Variants in ZFR observed in about 807,000 individuals in gnomAD.
ZFR encodes zinc finger RNA-binding protein.
ZFR carries 19 observed loss-of-function variants against 130.7 expected under a neutral mutation model. That is an observed-to-expected ratio of 0.15 (90% confidence interval 0.10 to 0.21). The LOEUF is 0.21. Among genes scored for constraint, ZFR ranks in the 10% least tolerant of loss-of-function variants. ZFR has a pLI of 1.00. For missense variants in ZFR, 872 were observed against 1,321.5 expected (o/e 0.66, Z 5.27); for synonymous variants, 466 against 456.9 (o/e 1.02, Z -0.25).
intron 2 of ZFR, among the ~76,000 whole-genome samples, chr5:32,425,096 T>C (rs576865051): frequency 9.2e-5 from 14 of 152,302 alleles, no homozygotes; most frequent in African/African-American, 3.1e-4. Context: ...ACTGTGATTG[T>C]AGGAAATAAA....
At chr5:32,415,971 C>CT (rs150198483) in intron 4 of ZFR, among the ~76,000 whole-genome samples, 28 of 85,904 alleles carry the variant, frequency 3.3e-4, no homozygotes, top group African/African-American at 8.1e-4. Context: ...GAACTTTTAT[C>CT]TTTTTTTTTT....
chr5:32,388,725 G>C, intron 12 of ZFR, 51 bp from the exon 13 acceptor site: 2 of 1,462,470 alleles, frequency 1.4e-6, no homozygotes, highest in Non-Finnish European at 1.9e-6. Context: ...CTGAGCAAAA[G>C]CAAATTATAT....
chr5:32,423,551 A>C (rs1350315725), intron 2 of ZFR, among the ~76,000 whole-genome samples: 1 of 152,126 alleles, frequency 6.6e-6, no homozygotes, highest in Non-Finnish European at 1.5e-5. Flanking sequence ...AAAGTTGAGA[A>C]ATAGACAAGA....
At chr5:32,403,720 C>T (rs558653375) in intron 7 of ZFR, among the ~76,000 whole-genome samples, 186 bp downstream of exon 7, 17 of 152,324 alleles carry the variant, frequency 1.1e-4, no homozygotes, top group Non-Finnish European at 2.2e-4. Flanking sequence ...AAAGACAGGT[C>T]TCCAGTCTTT....
chr5:32,436,120 T>G (rs1031882820), intron 2 of ZFR, among the ~76,000 whole-genome samples: 1 of 151,040 alleles, frequency 6.6e-6, no homozygotes, highest in South Asian at 2.1e-4. Context: ...TACCTTAAAG[T>G]TGGTAACCAC....
intron 2 of ZFR, among the ~76,000 whole-genome samples, chr5:32,443,149 T>A (rs917209591): frequency 2.6e-5 from 4 of 151,676 alleles, no homozygotes; most frequent in Non-Finnish European, 5.9e-5. Context: ...GTAAATCAAA[T>A]GAAAAAAACT....
At chr5:32,372,871 ATGAC>A (rs1259450684) in intron 17 of ZFR, among the ~76,000 whole-genome samples, 2 of 152,034 alleles carry the variant, frequency 1.3e-5, no homozygotes, top group African/African-American at 4.8e-5. Context: ...AAGGAACAAA[ATGAC>A]TGAAGTTAAA....
intron 9 of ZFR, 119 bp from the exon 10 acceptor site, chr5:32,397,457 ATT>A: frequency 3.3e-6 from 4 of 1,210,620 alleles, no homozygotes; most frequent in Admixed American, 2.7e-5. Flanking sequence ...TGTCTATTAC[ATT>A]TTTTTTTTCC....
At chr5:32,424,416 G>A (rs1172654617) in intron 2 of ZFR, among the ~76,000 whole-genome samples, 2 of 151,908 alleles carry the variant, frequency 1.3e-5, no homozygotes, top group Non-Finnish European at 2.9e-5. Context: ...CTGTAGTCCC[G>A]GCTACTCGGG....
intron 12 of ZFR, among the ~76,000 whole-genome samples, chr5:32,389,645 G>A (rs980150346): frequency 1.3e-5 from 2 of 151,822 alleles, no homozygotes; most frequent in Non-Finnish European, 2.9e-5. Flanking sequence ...AAAGAAACAA[G>A]AAAAAAAATT....
chr5:32,393,487 G>C (rs1052296734), intron 11 of ZFR, among the ~76,000 whole-genome samples: 9 of 152,064 alleles, frequency 5.9e-5, no homozygotes, highest in Admixed American at 2.6e-4. Flanking sequence ...GGAATTACAG[G>C]CATGCGCCAC....
chr5:32,386,017 C>T (rs532231466), intron 14 of ZFR, among the ~76,000 whole-genome samples: 1 of 152,138 alleles, frequency 6.6e-6, no homozygotes, highest in East Asian at 1.9e-4. Flanking sequence ...ACAATTTATT[C>T]CCATATTGTA....
chr5:32,399,964 C>A, intron 9 of ZFR, 43 bp downstream of exon 9: 8 of 1,524,090 alleles, frequency 5.2e-6, no homozygotes, highest in Non-Finnish European at 7.1e-6. Context: ...GCACTTCTTC[C>A]CTTTATCCAA....
intron 2 of ZFR, among the ~76,000 whole-genome samples, chr5:32,425,358 T>C (rs1438575019): frequency 1.3e-5 from 2 of 152,196 alleles, no homozygotes; most frequent in Non-Finnish European, 2.9e-5. Flanking sequence ...GCTGCCTTCA[T>C]ATATTTTAAT....
rs369834727 is a variant in ZFR, at chr5:32,444,422, C to A, written c.38-94G>T. 3.3e-4 allele frequency: 466 copies of A among 1,409,134 alleles called. 4 individuals carry two copies. The East Asian group carries it at 8.1e-3, about 25-fold the overall frequency. 87.3% of individuals were successfully genotyped at this position (1,409,134 alleles called of 1,614,324 possible). A position where few individuals can be genotyped will look rare whatever the true frequency, so the allele number is the denominator to read the frequency against. ...GAGGGCAGGGAGAGAAAGAGAGAGG[C>A]GCCGTGAGAGCAGCCCTGGCGGGGC... On this transcript the variant is annotated intron_variant, in intron 1 of 19. Transcript: ENST00000265069.
chr5:32,426,563 G>A (rs558211561), intron 2 of ZFR, among the ~76,000 whole-genome samples: 1 of 152,282 alleles, frequency 6.6e-6, no homozygotes, highest in African/African-American at 2.4e-5. Context: ...ATTCAACACA[G>A]TACTTAAGTT....
At chr5:32,374,453 A>C (rs551633520) in intron 17 of ZFR, among the ~76,000 whole-genome samples, 1 of 152,248 alleles carries the variant, frequency 6.6e-6, no homozygotes, top group African/African-American at 2.4e-5. Context: ...CAGTGAGCCA[A>C]GAAAGCACTG....
chr5:32,410,441 TATACAAAAA>T (rs1254781822), intron 5 of ZFR, among the ~76,000 whole-genome samples: 1 of 151,866 alleles, frequency 6.6e-6, no homozygotes, highest in Non-Finnish European at 1.5e-5. Context: ...AAACCCCATC[TATACAAAAA>T]ATACAAAAAT....
At chr5:32,383,700 T>C (rs1387600759) in intron 15 of ZFR, 1 of 454,566 alleles carries the variant, frequency 2.2e-6, no homozygotes, top group African/African-American at 2.0e-5. Context: ...AAGCAAGCTA[T>C]AGGCTTTAAA....
Sources: allele counts gnomAD v4.1 joint callset (sites outside exome capture counted in the v4.1 genomes callset), GRCh38; gene constraint gnomAD v4.1.1; transcripts MANE v1.5; gene names NCBI Gene and HGNC (gene_info 2026-07-23, HGNC 2026-07-21).